UBE2D3: variants seen among roughly 807,000 people sequenced by gnomAD.
UBE2D3 encodes the protein ubiquitin conjugating enzyme E2 D3.
A neutral mutation model predicts 22.8 loss-of-function variants in UBE2D3; 2 were observed. The observed-to-expected ratio is 0.09, with a 90% CI of 0.04 to 0.28. The LOEUF is 0.28. UBE2D3 is among the 10% of genes least tolerant of loss of function. The pLI is 1.00. For synonymous variants in UBE2D3, 56 were observed against 60.4 expected (o/e 0.93, Z 0.34); for missense variants, 27 against 182.5 (o/e 0.15, Z 4.91).
rs201144015 is a variant in UBE2D3 at position 102,795,962 on chromosome 4, C to T, written c.*1453G>A. The T allele has an allele frequency of 1.3e-5, 2 of 152,338 alleles. No individual in the cohort carries two copies. The highest frequency in any genetic ancestry group is 3.8e-4 in the East Asian group (2 of 5,198). 9.4% of individuals were successfully genotyped at this position (152,338 alleles called of 1,614,324 possible). ...AATCAGTGGCACAGATAGCACTTGT[C>T]AAACAAAAAACAATCCAATAGCATT... is the stretch of plus-strand genomic sequence containing the variant. On this transcript the variant is annotated 3_prime_UTR_variant, in exon 8 of 8. Coordinates refer to ENST00000453744, the MANE Select transcript of UBE2D3 (RefSeq NM_181891.3).
intron 1 of UBE2D3, among the ~76,000 whole-genome samples, chr4:102,838,269 G>A (rs1287519653): frequency 1.3e-5 from 2 of 152,174 alleles, no homozygotes; most frequent in Non-Finnish European, 2.9e-5. Flanking sequence ...ACTGTGTTCC[G>A]TGTTTTTGTG....
chr4:102,837,605 T>G (rs542043714), intron 1 of UBE2D3, among the ~76,000 whole-genome samples: 586 of 152,186 alleles, frequency 3.9e-3, no homozygotes, highest in Non-Finnish European at 6.0e-3. Context: ...GGAGGATCGC[T>G]TGGGCCCAGG....
At chr4:102,849,724 A>G (rs575000789) in intron 1 of UBE2D3, among the ~76,000 whole-genome samples, 1 of 152,346 alleles carries the variant, frequency 6.6e-6, no homozygotes, top group South Asian at 2.1e-4. Context: ...TGTCAAAATG[A>G]GATACCACTA....
rs190076026 is a variant in UBE2D3, at chr4:102,860,139, G to A, written c.-129+8576C>T. Among the ~76,000 whole-genome samples the A allele has an allele frequency of 6.1e-5, 9 of 148,248 alleles. 1 individual carries two copies. Among genetic ancestry groups the A allele is most frequent in the Non-Finnish European group, 9.2e-5 (6 of 65,062 alleles). ...TGGGATTACAGGCGTGAGCCACCGC[G>A]CCCAGCCAGAATTTGATTGTTTAGT... On this transcript the variant is annotated intron_variant, in intron 1 of 7. Transcript: ENST00000338145.
chr4:102,799,202 AT>A (rs1484108902), intron 7 of UBE2D3, among the ~76,000 whole-genome samples: 1 of 151,948 alleles, frequency 6.6e-6, no homozygotes, highest in Non-Finnish European at 1.5e-5. Flanking sequence ...AAAAACAACA[AT>A]AAAACATTTT....
intron 2 of UBE2D3, among the ~76,000 whole-genome samples, chr4:102,818,341 GC>G (rs1346555389): frequency 1.3e-5 from 2 of 152,178 alleles, no homozygotes; most frequent in Admixed American, 6.5e-5. Flanking sequence ...CCTCTGAGCT[GC>G]TTCTCCTCAA....
intron 1 of UBE2D3, among the ~76,000 whole-genome samples, chr4:102,834,960 C>T (rs1484654916): frequency 2.6e-5 from 4 of 151,960 alleles, no homozygotes; most frequent in Non-Finnish European, 5.9e-5. Context: ...TGAACTTGCC[C>T]ACACAGATTC....
At chr4:102,798,286 A>ATATATATATATATATATATATATATATG (rs1197587465) in intron 7 of UBE2D3, among the ~76,000 whole-genome samples, 1 of 146,870 alleles carries the variant, frequency 6.8e-6, no homozygotes, top group Non-Finnish European at 1.5e-5. Context: ...ATGAATATAT[A>ATATATATATATATATATATATATATATG]TATATATATA....
chr4:102,851,419 G>GAGACTAAC (rs1390308114), intron 1 of UBE2D3, among the ~76,000 whole-genome samples: 5 of 152,206 alleles, frequency 3.3e-5, no homozygotes, highest in Non-Finnish European at 7.3e-5. Context: ...GAACACAGGG[G>GAGACTAAC]AGACTAACAG....
In UBE2D3 at chr4:102,795,871, GTAAAAC is replaced by G. The variant is rs1340827923; in HGVS notation, c.*1538_*1543del. Reference sequence around the variant, plus strand: ...CAAAATCAAAATAAACAGGAAAAATGTAAAACTATGGGATCAGAATTAGGAAAGGTG... The same window carrying G: ...CAAAATCAAAATAAACAGGAAAAATGTATGGGATCAGAATTAGGAAAGGTG... On this transcript the variant is annotated 3_prime_UTR_variant, in exon 8 of 8. Coordinates refer to ENST00000453744, the MANE Select transcript of UBE2D3 (RefSeq NM_181891.3). 2 of 152,328 alleles carry G rather than the reference GTAAAAC, an allele frequency of 1.3e-5. No homozygotes were observed. The highest frequency in any genetic ancestry group is 4.8e-5 in the African/African-American group (2 of 41,430). The allele number at this position is 152,328 out of a possible 1,614,324, so 9.4% of individuals were successfully genotyped here.
At chr4:102,805,288 A>C (rs909915468) in intron 4 of UBE2D3, among the ~76,000 whole-genome samples, 35 of 152,332 alleles carry the variant, frequency 2.3e-4, no homozygotes, top group African/African-American at 8.4e-4. Flanking sequence ...TTTAAATTCT[A>C]TTATGAATCA....
intron 7 of UBE2D3, among the ~76,000 whole-genome samples, chr4:102,797,755 G>A (rs779890309): frequency 1.1e-4 from 17 of 151,962 alleles, no homozygotes; most frequent in Non-Finnish European, 2.4e-4. Flanking sequence ...CCGAGCTCAT[G>A]CTCTAATTTT....
intron 1 of UBE2D3, among the ~76,000 whole-genome samples, chr4:102,858,261 C>T (rs1732723732): frequency 6.6e-6 from 1 of 151,916 alleles, no homozygotes. Context: ...TGTTATCATA[C>T]AGCTCAAAAT....
rs1414619410 is a variant in UBE2D3 at position 102,795,270 on chromosome 4, T to C, written c.*2145A>G. The C allele has an allele frequency of 6.6e-6, 1 of 152,072 alleles. No homozygotes were observed. The highest frequency in any genetic ancestry group is 1.5e-5 in the Non-Finnish European group (1 of 67,936). The allele number at this position is 152,072 out of a possible 1,614,324, so 9.4% of individuals were successfully genotyped here. On this transcript the variant is annotated 3_prime_UTR_variant, in exon 8 of 8. Transcript: ENST00000453744. ...GTTGTCTAAGGCTATAAAGGTCAATTTGAAAGCCAGTTAGGGATCCACCGT... is the reference window on the plus strand; with the variant it reads ...GTTGTCTAAGGCTATAAAGGTCAATCTGAAAGCCAGTTAGGGATCCACCGT...
chr4:102,831,973 A>T (rs2110345929), upstream of UBE2D3, among the ~76,000 whole-genome samples: 1 of 152,322 alleles, frequency 6.6e-6, no homozygotes, highest in South Asian at 2.1e-4. Context: ...CTAGACACTG[A>T]AGATACATAA....
intron 1 of UBE2D3, among the ~76,000 whole-genome samples, chr4:102,850,411 C>T (rs1172581529): frequency 6.6e-6 from 1 of 152,054 alleles, no homozygotes; most frequent in Non-Finnish European, 1.5e-5. Context: ...ACCACCTTGC[C>T]CCTCTCCATC....
At chr4:102,799,555 T>C (rs1235040474) in intron 6 of UBE2D3, 55 bp from the exon 7 acceptor site, 2 of 1,450,432 alleles carry the variant, frequency 1.4e-6, no homozygotes, top group Non-Finnish European at 1.9e-6. Context: ...GATAAATAAA[T>C]TTTTCTAAAC....
chr4:102,795,838 G>A lies in UBE2D3; in HGVS notation c.*1577C>T, dbSNP rs889475082. 1 of 152,248 alleles carries A rather than the reference G, an allele frequency of 6.6e-6. No homozygotes were observed. The highest frequency in any genetic ancestry group is 2.4e-5 in the African/African-American group (1 of 41,436). 9.4% of individuals were successfully genotyped at this position (152,248 alleles called of 1,614,324 possible). ...ATGTGCTAGAACTTTAAGAAATAAA[G>A]CAGTGAACAAAATCAAAATAAACAG... On this transcript the variant is annotated 3_prime_UTR_variant, in exon 8 of 8. Coordinates refer to ENST00000453744, the MANE Select transcript of UBE2D3 (RefSeq NM_181891.3).
At chr4:102,809,459 T>C (rs557757680) in intron 4 of UBE2D3, 5 of 569,396 alleles carry the variant, frequency 8.8e-6, no homozygotes, top group South Asian at 6.5e-5. Context: ...GAGATGGCTA[T>C]ACTCTAGAAC....
Sources: allele counts gnomAD v4.1 joint callset (sites outside exome capture counted in the v4.1 genomes callset), GRCh38; gene constraint gnomAD v4.1.1; transcripts MANE v1.5; gene names NCBI Gene and HGNC (gene_info 2026-07-23, HGNC 2026-07-21).